TANC2: variants seen among roughly 807,000 people sequenced by gnomAD.
The protein encoded by TANC2 is protein TANC2.
TANC2 carries 26 observed loss-of-function variants against 210.5 expected under a neutral mutation model. The observed-to-expected ratio is 0.12, with a 90% CI of 0.09 to 0.17. TANC2 has a LOEUF of 0.17. Among genes scored for constraint, TANC2 ranks in the 10% least tolerant of loss-of-function variants. The probability of loss-of-function intolerance (pLI) is 1.00; values close to 1 mark genes in which losing one functional copy is unlikely to be tolerated. For missense variants in TANC2, 2,129 were observed against 2,608.9 expected (o/e 0.82, Z 4.01); for synonymous variants, 931 against 967.1 (o/e 0.96, Z 0.69).
intron 3 of TANC2, among the ~76,000 whole-genome samples, chr17:63,080,824 G>C (rs1224237990): frequency 6.6e-6 from 1 of 152,050 alleles, no homozygotes. Flanking sequence ...ATCTAGTATA[G>C]TAGCATTACT....
intron 4 of TANC2, among the ~76,000 whole-genome samples, chr17:63,133,932 A>G (rs1008861835): frequency 2.0e-5 from 3 of 152,140 alleles, no homozygotes; most frequent in Non-Finnish European, 2.9e-5. Flanking sequence ...TGCTAAACCA[A>G]CTTAGCATGA....
intron 11 of TANC2, among the ~76,000 whole-genome samples, chr17:63,321,972 T>G (rs1294434804): frequency 6.6e-6 from 1 of 152,194 alleles, no homozygotes; most frequent in African/African-American, 2.4e-5. Flanking sequence ...TGTGGAAGTT[T>G]TACAGATGGT....
intron 2 of TANC2, among the ~76,000 whole-genome samples, chr17:63,034,349 C>T (rs1040914834): frequency 1.3e-5 from 2 of 152,202 alleles, no homozygotes; most frequent in East Asian, 1.9e-4. Context: ...CTGTTTATAG[C>T]ATGGCTTACT....
chr17:63,133,144 T>C (rs1260272817), intron 4 of TANC2, among the ~76,000 whole-genome samples: 1 of 152,118 alleles, frequency 6.6e-6, no homozygotes, highest in Non-Finnish European at 1.5e-5. Flanking sequence ...TGGCTAATTT[T>C]TGTATTTTTA....
intron 2 of TANC2, among the ~76,000 whole-genome samples, chr17:63,031,486 C>T (rs2034768446): frequency 6.6e-6 from 1 of 152,116 alleles, no homozygotes; most frequent in African/African-American, 2.4e-5. Context: ...TATTCATATA[C>T]TAGTCACTAT....
chr17:63,098,698 A>T (rs981533825), intron 3 of TANC2, among the ~76,000 whole-genome samples: 3 of 151,960 alleles, frequency 2.0e-5, no homozygotes, highest in African/African-American at 7.2e-5. Context: ...AAAAATTAGA[A>T]CAGATTCAAA....
Position 63,162,872 on chromosome 17 carries a change from C to A in TANC2, c.433+11492C>A, listed in dbSNP as rs927855820. On this transcript the variant is annotated intron_variant, in intron 5 of 27. Coordinates refer to ENST00000689528, the Ensembl canonical transcript of TANC2. ...AGGGAAATGTAGTAGGATTGCTGGG[C>A]AGTACTAATGTCCCACTTAACGTTA... Among the ~76,000 whole-genome samples the A allele has an allele frequency of 5.3e-5, 8 of 151,988 alleles. No individual in the cohort carries two copies. The East Asian group carries it at 1.5e-3, about 29-fold the overall frequency.
chr17:63,213,094 A>G (rs765525260), intron 7 of TANC2, among the ~76,000 whole-genome samples: 6 of 152,234 alleles, frequency 3.9e-5, no homozygotes, highest in Non-Finnish European at 8.8e-5. Context: ...AAAGTCTATG[A>G]AATATTGAAA....
intron 3 of TANC2, 89 bp downstream of exon 3, chr17:63,074,103 C>A (rs2036493690): frequency 1.0e-6 from 1 of 976,006 alleles, no homozygotes; most frequent in Non-Finnish European, 1.5e-6. Flanking sequence ...AGGATATTGC[C>A]ATGGTATAGT....
Position 63,418,336 on chromosome 17 carries a change from T to C in TANC2, c.4197T>C (p.Thr1399=). 1 of 1,613,498 alleles carries C rather than the reference T, an allele frequency of 6.2e-7. No homozygotes were observed. ...TTGGAATGGCGGAGGAATTTGCTAC[T>C]AAGGCCCTGGAGCTGAAACCGAAAT... The change falls in exon 27 of 28, where the codon ACT becomes ACC. Residue 1399 remains threonine (T), a synonymous_variant. Transcript: ENST00000689528. This position sits in a 1 kb window ranked among gnomAD's most constrained non-coding sequence, Gnocchi z 4.6.
intron 11 of TANC2, among the ~76,000 whole-genome samples, chr17:63,330,826 A>C (rs969372294): frequency 1.3e-5 from 2 of 152,204 alleles, no homozygotes; most frequent in Non-Finnish European, 2.9e-5. Context: ...CTGTAATCCT[A>C]GCACTTTGAG....
At chr17:63,406,832 TTGCTG>T (rs2048523901) in intron 21 of TANC2, among the ~76,000 whole-genome samples, 1 of 152,226 alleles carries the variant, frequency 6.6e-6, no homozygotes, top group African/African-American at 2.4e-5. Context: ...CTCCTGTTGG[TTGCTG>T]TGACCTCTAT....
chr17:63,344,879 T>C lies in TANC2; in HGVS notation c.1807+4547T>C, dbSNP rs77657565. On this transcript the variant is annotated intron_variant, in intron 12 of 27. Coordinates refer to ENST00000689528, the Ensembl canonical transcript of TANC2. ...AACTGAGGGAGGTCATAAATAGCCA[T>C]GCAGCTTCCATCTTGTTCACCAAAC... Among the ~76,000 whole-genome samples the C allele has an allele frequency of 9.8e-3, 1,492 of 152,318 alleles. 12 individuals are homozygous for C. The highest frequency in any genetic ancestry group is 0.016 in the South Asian group (77 of 4,830).
intron 4 of TANC2, among the ~76,000 whole-genome samples, chr17:63,121,791 C>T (rs886530317): frequency 1.3e-5 from 2 of 152,030 alleles, no homozygotes; most frequent in African/African-American, 4.8e-5. Context: ...GTCTGGGTAT[C>T]ATTTTAAAAA....
chr17:63,268,906 G>A (rs911649083), intron 9 of TANC2, among the ~76,000 whole-genome samples: 1 of 152,148 alleles, frequency 6.6e-6, no homozygotes, highest in Non-Finnish European at 1.5e-5. Flanking sequence ...GCTTTTAACA[G>A]ATAGTCTCCT....
chr17:63,006,798 A>G (rs2143791522), intron 1 of TANC2, among the ~76,000 whole-genome samples: 1 of 151,982 alleles, frequency 6.6e-6, no homozygotes, highest in South Asian at 2.1e-4. Flanking sequence ...TTTTAAATCT[A>G]CTTGATCTTG....
At chr17:63,052,017 G>A (rs1328793137) in intron 2 of TANC2, among the ~76,000 whole-genome samples, 3 of 152,176 alleles carry the variant, frequency 2.0e-5, no homozygotes, top group Non-Finnish European at 4.4e-5. Context: ...AGGCGGGACT[G>A]TTGTATGAAT....
chr17:63,295,146 C>G (rs2044496650), intron 9 of TANC2, among the ~76,000 whole-genome samples: 1 of 152,098 alleles, frequency 6.6e-6, no homozygotes, highest in African/African-American at 2.4e-5. Context: ...GATAAAAGCC[C>G]TAGGTTTTGA....
chr17:63,403,287 A>G (rs1599045039), intron 19 of TANC2, among the ~76,000 whole-genome samples: 1 of 152,180 alleles, frequency 6.6e-6, no homozygotes, highest in Non-Finnish European at 1.5e-5. Context: ...TGGCACCCTC[A>G]CATACAGAGG....
Sources: gnomAD v4.1 joint callset for allele counts (sites outside exome capture counted in the v4.1 genomes callset) on GRCh38, gnomAD v4.1.1 for gene constraint, Gnocchi (gnomAD v3.1) non-coding constraint, MANE v1.5 for transcripts, NCBI Gene and HGNC (gene_info 2026-07-23, HGNC 2026-07-21) for gene names.